The following ODR4 variants were observed in gnomAD, a reference collection of about 807,000 sequenced individuals.
The protein encoded by ODR4 is odr-4 GPCR localization factor homolog, also known as protein odr-4 homolog.
A neutral mutation model predicts 60.2 loss-of-function variants in ODR4; 47 were observed. That is an observed-to-expected ratio of 0.78 (90% CI 0.62 to 1.00). The LOEUF is 1.00. Among genes scored for constraint, ODR4 ranks in the 50% least tolerant of loss-of-function variants. The probability of loss-of-function intolerance (pLI) is 0.00; values close to 1 mark genes in which losing one functional copy is unlikely to be tolerated. For synonymous variants in ODR4, 178 were observed against 175.5 expected (o/e 1.01, Z -0.11); for missense variants, 488 against 530.8 (o/e 0.92, Z 0.79).
At position 186,406,268 on chromosome 1, in the gene ODR4, G is replaced by T; in HGVS notation, c.1186G>T (p.Ala396Ser). Reference sequence around the variant, plus strand: ...GGAAATTGCAGAGGAAACAAACACAGGTCATTATATGATGCTATTTAAGAA... The same window carrying T: ...GGAAATTGCAGAGGAAACAAACACATGTCATTATATGATGCTATTTAAGAA... ...DLEIAEETNT[A>S]CMSSSMNSQA... The change falls in exon 12 of 14, where the codon GCT becomes TCT. Residue 396 changes from alanine (A) to serine (S), a missense_variant and splice_region_variant. Transcript: ENST00000287859. 3 of 1,587,702 alleles carry T rather than the reference G, an allele frequency of 1.9e-6. No homozygotes were observed. Among genetic ancestry groups the T allele is most frequent in the Non-Finnish European group, 2.6e-6 (3 of 1,167,628 alleles).
chr1:186,403,763 T>A (rs930657565), intron 11 of ODR4, among the ~76,000 whole-genome samples: 1 of 152,188 alleles, frequency 6.6e-6, no homozygotes, highest in Non-Finnish European at 1.5e-5. Context: ...TTCACTGTTA[T>A]AAGTCTTCAT....
chr1:186,431,504 T>C, the ODR4 span, among the ~76,000 whole-genome samples: 3 of 152,148 alleles, frequency 2.0e-5, no homozygotes, highest in East Asian at 5.8e-4. Context: ...TTTAGTTTAA[T>C]GATGGCCACA....
At chr1:186,404,312 A>G (rs1389756198) in intron 11 of ODR4, among the ~76,000 whole-genome samples, 1 of 152,202 alleles carries the variant, frequency 6.6e-6, no homozygotes, top group South Asian at 2.1e-4. Flanking sequence ...CTTAGATACT[A>G]AATTGCTAAT....
chr1:186,394,572 T>C (rs551045635), intron 9 of ODR4, among the ~76,000 whole-genome samples: 1 of 152,338 alleles, frequency 6.6e-6, no homozygotes, highest in Non-Finnish European at 1.5e-5. Context: ...ATACCTTTGA[T>C]TTTAATCCTA....
intron 5 of ODR4, among the ~76,000 whole-genome samples, chr1:186,389,157 T>C (rs1007663913): frequency 9.9e-5 from 15 of 151,904 alleles, no homozygotes; most frequent in African/African-American, 3.6e-4. Flanking sequence ...TTTTTTTTTT[T>C]TAACAACAAC....
downstream of ODR4, among the ~76,000 whole-genome samples, chr1:186,425,070 C>T (rs1661861662): frequency 1.3e-5 from 2 of 151,930 alleles, no homozygotes; most frequent in African/African-American, 4.8e-5. Flanking sequence ...CAATGTACCC[C>T]CTGGTCATAG....
At chr1:186,409,192 C>CAA (rs58735021) in intron 12 of ODR4, among the ~76,000 whole-genome samples, 26 of 111,128 alleles carry the variant, frequency 2.3e-4, no homozygotes, top group South Asian at 2.3e-3. Context: ...GACCCTGTCT[C>CAA]AAAAAAAAAA....
chr1:186,428,028 A>G, the ODR4 span, among the ~76,000 whole-genome samples: 1 of 152,224 alleles, frequency 6.6e-6, no homozygotes, highest in South Asian at 2.1e-4. Context: ...ATAATCCTTA[A>G]GCGCCCTAGG....
chr1:186,416,414 A>G (rs1661566459), intron 12 of ODR4, among the ~76,000 whole-genome samples: 1 of 151,726 alleles, frequency 6.6e-6, no homozygotes, highest in African/African-American at 2.4e-5. Flanking sequence ...GCTCATGGCT[A>G]TAATCCCAGC....
At chr1:186,425,903 A>G (rs1306233824), downstream of ODR4, among the ~76,000 whole-genome samples, 1 of 152,166 alleles carries the variant, frequency 6.6e-6, no homozygotes, top group African/African-American at 2.4e-5. Flanking sequence ...TTTTGCTCCA[A>G]AACTGAACAG....
chr1:186,422,950 G>A (rs150782708), downstream of ODR4, among the ~76,000 whole-genome samples: 1 of 152,244 alleles, frequency 6.6e-6, no homozygotes, highest in East Asian at 1.9e-4. Flanking sequence ...ATTGAAAAAG[G>A]GGTCCAAATC....
chr1:186,406,665 A>T (rs1215463693), intron 12 of ODR4, among the ~76,000 whole-genome samples: 4 of 151,600 alleles, frequency 2.6e-5, no homozygotes, highest in Admixed American at 2.6e-4. Flanking sequence ...AATTTATTAA[A>T]CATTTTCTCC....
chr1:186,385,602 G>A (rs1660223502), intron 3 of ODR4, among the ~76,000 whole-genome samples: 2 of 151,896 alleles, frequency 1.3e-5, no homozygotes, highest in Non-Finnish European at 2.9e-5. Flanking sequence ...CCTAGGATGT[G>A]TATGGAAAAC....
chr1:186,427,041 A>T, the ODR4 span, among the ~76,000 whole-genome samples: 25 of 152,262 alleles, frequency 1.6e-4, 1 homozygote, highest in Admixed American at 1.6e-3. Flanking sequence ...CATAATCTTC[A>T]TAACCTTCAG....
At position 186,400,894 on chromosome 1, in the gene ODR4, G is replaced by A. The variant is rs1022663807; in HGVS notation, c.1000+1850G>A. 1.5e-5 allele frequency: 10 copies of A among 651,248 alleles called. No individual in the cohort carries two copies. The African/African-American group carries it at 1.7e-4, about 11-fold the overall frequency. 40.3% of individuals were successfully genotyped at this position (651,248 alleles called of 1,614,324 possible). On this transcript the variant is annotated intron_variant, in intron 11 of 13. Coordinates refer to ENST00000287859, the MANE Select transcript of ODR4 (RefSeq NM_017847.6). ...GCAGTATGTGGGACCTGTTCACATA[G>A]TCCATCAGTCTAGCAGCCCCATCTC... is the stretch of plus-strand genomic sequence containing the variant.
intron 13 of ODR4, among the ~76,000 whole-genome samples, chr1:186,418,355 A>G (rs1661662152): frequency 6.8e-6 from 1 of 146,246 alleles, no homozygotes; most frequent in South Asian, 2.1e-4. Context: ...CAGTGGCGCA[A>G]TCTCGGCTCA....
rs759816224 is a variant in ODR4, at chr1:186,379,813, A to G, written c.28A>G (p.Thr10Ala). MGRTYIVEETVGQYLSNINL... is the reference protein window; with the variant it reads MGRTYIVEEAVGQYLSNINL... ...GGGAAGAACCTACATTGTAGAAGAG[A>G]CTGTTGGCCAGTATCTTTCAAACAT... Residue 10 changes from threonine to alanine, a missense_variant, in exon 2 of 14, where the codon ACT (threonine) becomes GCT (alanine). Physicochemically the swap from Thr to Ala is moderately conservative, Grantham distance 58. Coordinates refer to ENST00000287859, the MANE Select transcript of ODR4 (RefSeq NM_017847.6). The G allele has an allele frequency of 2.5e-6, 4 of 1,605,558 alleles. No individual in the cohort carries two copies. The East Asian group carries it at 9.0e-5, about 36-fold the overall frequency.
chr1:186,378,018 C>G (rs562870435), intron 1 of ODR4, among the ~76,000 whole-genome samples: 1 of 150,970 alleles, frequency 6.6e-6, no homozygotes, highest in African/African-American at 2.4e-5. Flanking sequence ...GCACTCCAGC[C>G]TGGGCAACAG....
At chr1:186,386,977 T>C (rs551108829) in intron 4 of ODR4, among the ~76,000 whole-genome samples, 3 of 152,284 alleles carry the variant, frequency 2.0e-5, no homozygotes, top group Admixed American at 2.0e-4. Context: ...GTAGATTCTG[T>C]GTAGCCAGCT....
Sources: gnomAD v4.1 joint callset for allele counts (sites outside exome capture counted in the v4.1 genomes callset) on GRCh38, gnomAD v4.1.1 for gene constraint, MANE v1.5 for transcripts, NCBI Gene and HGNC (gene_info 2026-07-23, HGNC 2026-07-21) for gene names.